ASXL3: variants seen among roughly 807,000 people sequenced by gnomAD.
ASXL3 encodes the protein putative Polycomb group protein ASXL3.
In ASXL3, 34 loss-of-function variants were observed where a neutral mutation model predicts 170.6. That is an observed-to-expected ratio of 0.20 (90% CI 0.15 to 0.27). The LOEUF is 0.27. ASXL3 is among the 10% of genes least tolerant of loss of function. ASXL3 has a pLI of 1.00. For missense variants in ASXL3, 2,592 were observed against 2,695.3 expected (o/e 0.96, Z 0.85); for synonymous variants, 1,002 against 989.1 (o/e 1.01, Z -0.24).
intron 8 of ASXL3, among the ~76,000 whole-genome samples, chr18:33,691,227 T>C (rs927101957): frequency 2.0e-5 from 3 of 152,168 alleles, no homozygotes; most frequent in African/African-American, 7.2e-5. Context: ...CCTATCAGGA[T>C]GTCCTCTCCA....
At chr18:33,612,939 G>A (rs949883707) in intron 2 of ASXL3, among the ~76,000 whole-genome samples, 24 of 152,080 alleles carry the variant, frequency 1.6e-4, no homozygotes, top group Admixed American at 7.2e-4. Flanking sequence ...TTAGCTCACA[G>A]TGTCATCCCT....
intron 8 of ASXL3, among the ~76,000 whole-genome samples, chr18:33,692,427 T>C (rs2145307172): frequency 6.6e-6 from 1 of 152,286 alleles, no homozygotes; most frequent in East Asian, 1.9e-4. Flanking sequence ...TCAGCTTCTG[T>C]GCTTCCTACT....
intron 8 of ASXL3, among the ~76,000 whole-genome samples, chr18:33,713,230 TTTTTTTTG>T (rs2067100778): frequency 1.5e-5 from 1 of 64,712 alleles, no homozygotes; most frequent in Admixed American, 1.7e-4. Context: ...CACAAGAAGG[TTTTTTTTG>T]TTTTGTTTTG....
intron 8 of ASXL3, among the ~76,000 whole-genome samples, chr18:33,726,034 G>A (rs1012633780): frequency 6.6e-6 from 1 of 152,166 alleles, no homozygotes; most frequent in Non-Finnish European, 1.5e-5. Context: ...CTACACTGCA[G>A]TAGGAGTAAC....
intron 2 of ASXL3, chr18:33,627,019 C>G (rs901201325): frequency 2.6e-5 from 4 of 152,820 alleles, no homozygotes; most frequent in Admixed American, 2.6e-4. Flanking sequence ...AATGCTTGAA[C>G]TAGCAGGAGT....
At chr18:33,736,304 C>T (rs575824823) in intron 10 of ASXL3, among the ~76,000 whole-genome samples, 55 of 152,164 alleles carry the variant, frequency 3.6e-4, no homozygotes, top group African/African-American at 1.2e-3. Flanking sequence ...CCCTCATTGC[C>T]GTCACCAAGC....
chr18:33,703,172 C>T (rs774376023), intron 8 of ASXL3, among the ~76,000 whole-genome samples: 8 of 152,102 alleles, frequency 5.3e-5, no homozygotes, highest in South Asian at 2.1e-4. Context: ...TAATTGCTCA[C>T]GACCAAAATC....
At chr18:33,709,640 G>A (rs8092855) in intron 8 of ASXL3, among the ~76,000 whole-genome samples, 1 of 152,086 alleles carries the variant, frequency 6.6e-6, no homozygotes, top group African/African-American at 2.4e-5. Flanking sequence ...GCACTTCCAA[G>A]TGCTGTTAAT....
At chr18:33,712,314 T>C (rs1386577714) in intron 8 of ASXL3, among the ~76,000 whole-genome samples, 2 of 152,218 alleles carry the variant, frequency 1.3e-5, no homozygotes, top group Non-Finnish European at 2.9e-5. Flanking sequence ...TAAAAAAAAT[T>C]GTATTACAGT....
chr18:33,735,659 A>T (rs559069859), intron 10 of ASXL3, among the ~76,000 whole-genome samples: 2 of 152,284 alleles, frequency 1.3e-5, no homozygotes, highest in South Asian at 4.1e-4. Context: ...ATTAAAGACC[A>T]CTTAGGAGCC....
intron 1 of ASXL3, among the ~76,000 whole-genome samples, chr18:33,592,093 T>G (rs1226392841): frequency 6.6e-6 from 1 of 152,148 alleles, no homozygotes; most frequent in Non-Finnish European, 1.5e-5. Flanking sequence ...AAATTTTATC[T>G]TTTATCTTCT....
intron 2 of ASXL3, among the ~76,000 whole-genome samples, chr18:33,626,204 G>GA (rs1345234246): frequency 6.6e-6 from 1 of 152,070 alleles, no homozygotes; most frequent in African/African-American, 2.4e-5. Flanking sequence ...AAGGAAAATG[G>GA]AAATTCTTTT....
intron 5 of ASXL3, among the ~76,000 whole-genome samples, chr18:33,668,384 C>T (rs2066290913): frequency 6.7e-6 from 1 of 149,344 alleles, no homozygotes; most frequent in Non-Finnish European, 1.5e-5. Flanking sequence ...GCCGAGATTG[C>T]ACCACTGCAC....
intron 4 of ASXL3, among the ~76,000 whole-genome samples, chr18:33,660,537 A>G (rs2066155776): frequency 1.3e-5 from 2 of 152,138 alleles, no homozygotes; most frequent in Admixed American, 6.6e-5. Context: ...ATCACTTGGA[A>G]AGTTTTCTTG....
rs754700314 is a variant in ASXL3 at position 33,744,248 on chromosome 18, G to C, written c.4400G>C (p.Arg1467Pro). Reference protein sequence around the residue: ...PGGFAPAAINRSIPCKVIVDH... With the variant: ...PGGFAPAAINPSIPCKVIVDH... ...GGCTTTGCACCAGCAGCCATAAACCGATCAATTCCGTGTAAAGTCATCGTT... is the reference window on the plus strand; with the variant it reads ...GGCTTTGCACCAGCAGCCATAAACCCATCAATTCCGTGTAAAGTCATCGTT... Residue 1467 changes from arginine to proline, a missense_variant, in exon 12 of 12, where the codon CGA (arginine) becomes CCA (proline). By Grantham distance (103) the Arg-to-Pro change is moderately radical. This residue lies in a region of ASXL3 where 2,246 missense variants were observed against 2,219.6 expected (regional missense o/e 1.01). Transcript: ENST00000269197. 1 of 1,613,942 alleles carries C rather than the reference G, an allele frequency of 6.2e-7. No individual in the cohort carries two copies.
chr18:33,670,740 T>C lies in ASXL3; in HGVS notation c.545T>C (p.Val182Ala), dbSNP rs2066327842. 1 of 1,566,016 alleles carries C rather than the reference T, an allele frequency of 6.4e-7. No homozygotes were observed. Among genetic ancestry groups the C allele is most frequent in the Non-Finnish European group, 8.7e-7 (1 of 1,154,354 alleles). Reference sequence around the variant, plus strand: ...ATGGTAAACAAGACTGTTCCTCGTGTTGTTTTGACACCATTAAAGGTGTCT... The same window carrying C: ...ATGGTAAACAAGACTGTTCCTCGTGCTGTTTTGACACCATTAAAGGTGTCT... ...SMMVNKTVPR[V>A]VLTPLKVSDE... The change falls in exon 6 of 12, where the codon GTT (valine) becomes GCT (alanine). Residue 182 changes from valine to alanine, a missense_variant. Val to Ala is a moderately conservative substitution (Grantham distance 64). Around this residue, in one of 4 missense-constraint regions of ASXL3, gnomAD observed 251 missense variants for 281.9 expected, o/e 0.89. Transcript: ENST00000269197.
chr18:33,639,101 G>T (rs1038504326), intron 2 of ASXL3, among the ~76,000 whole-genome samples: 1 of 152,068 alleles, frequency 6.6e-6, no homozygotes, highest in African/African-American at 2.4e-5. Flanking sequence ...TTTACATTTA[G>T]ATGTTGGTTA....
At chr18:33,618,945 CTG>C (rs1416227357) in intron 2 of ASXL3, among the ~76,000 whole-genome samples, 1 of 152,066 alleles carries the variant, frequency 6.6e-6, no homozygotes, top group Non-Finnish European at 1.5e-5. Flanking sequence ...TGCTGAAATG[CTG>C]TGTTTTATAT....
intron 2 of ASXL3, among the ~76,000 whole-genome samples, chr18:33,635,432 C>T (rs2065749775): frequency 6.6e-6 from 1 of 152,206 alleles, no homozygotes; most frequent in African/African-American, 2.4e-5. Flanking sequence ...CTCTGGTTAG[C>T]TTTATCCCCT....
Sources: gnomAD v4.1 joint callset for allele counts (sites outside exome capture counted in the v4.1 genomes callset) on GRCh38, gnomAD v4.1.1 for gene constraint, gnomAD v4.1.1 regional missense constraint, MANE v1.5 for transcripts, NCBI Gene and HGNC (gene_info 2026-07-23, HGNC 2026-07-21) for gene names.